The following SYNJ2BP variants were observed in gnomAD, a reference collection of about 807,000 sequenced individuals.
SYNJ2BP encodes synaptojanin 2 binding protein, also known as synaptojanin-2-binding protein.
Under a neutral mutation model 16.9 loss-of-function variants are expected in SYNJ2BP, and 10 were observed. The ratio of observed to expected loss-of-function variants is 0.59; its 90% CI spans 0.36 to 1.00. The LOEUF (loss-of-function observed/expected upper bound fraction) is 1.00, where lower values mean the gene tolerates loss of function less well. SYNJ2BP is among the 50% of genes least tolerant of loss of function. The probability of loss-of-function intolerance (pLI) is 0.01; values close to 1 mark genes in which losing one functional copy is unlikely to be tolerated. For missense variants in SYNJ2BP, 162 were observed against 186.7 expected, an observed-to-expected ratio of 0.87 and a Z score of 0.77; for synonymous variants, 54 against 68.4, an observed-to-expected ratio of 0.79 and a Z score of 1.04.
chr14:70,405,278 A>C (rs542800214), intron 1 of SYNJ2BP, among the ~76,000 whole-genome samples: 1 of 152,286 alleles, frequency 6.6e-6, no homozygotes, highest in Admixed American at 6.5e-5. Context: ...TAAATGAATG[A>C]ATGAATGATA....
intron 1 of SYNJ2BP, among the ~76,000 whole-genome samples, chr14:70,392,751 T>C (rs1385925442): frequency 2.0e-5 from 3 of 152,092 alleles, no homozygotes; most frequent in African/African-American, 7.2e-5. Flanking sequence ...CCCTTAAGAG[T>C]AGTTTCTAGC....
intron 1 of SYNJ2BP, among the ~76,000 whole-genome samples, chr14:70,394,957 A>G (rs1288921602): frequency 6.6e-6 from 1 of 152,236 alleles, no homozygotes; most frequent in Non-Finnish European, 1.5e-5. Flanking sequence ...GTGTGATTCC[A>G]AAGCATGAAT....
At chr14:70,401,525 CTTTT>C (rs71105709) in intron 1 of SYNJ2BP, among the ~76,000 whole-genome samples, 4,595 of 126,878 alleles carry the variant, frequency 0.036, 106 homozygotes, top group Middle Eastern at 0.1. Context: ...TGGTTCTTGG[CTTTT>C]TTTTTTTTTT....
chr14:70,379,331 T>C (rs895847167), intron 2 of SYNJ2BP, among the ~76,000 whole-genome samples: 5 of 152,352 alleles, frequency 3.3e-5, no homozygotes, highest in Admixed American at 3.3e-4. Context: ...TATGCTGATA[T>C]GGAAAGTCTT....
At position 70,386,077 on chromosome 14, in the gene SYNJ2BP, C is replaced by T. The variant is rs1594946952; in HGVS notation, c.201+2393G>A. Among the ~76,000 whole-genome samples, 3 of 152,298 alleles carry T rather than the reference C, an allele frequency of 2.0e-5. No homozygotes were observed. The East Asian group carries it at 5.8e-4, about 29-fold the overall frequency. ...GCTCTCTTCTTTCTCTTCTTAACTCCTATACTATTCTTCATCCACAGAGCC... is the reference window on the plus strand; with the variant it reads ...GCTCTCTTCTTTCTCTTCTTAACTCTTATACTATTCTTCATCCACAGAGCC... On this transcript the variant is annotated intron_variant, in intron 2 of 3. Coordinates refer to ENST00000256366, the MANE Select transcript of SYNJ2BP (RefSeq NM_018373.3).
At chr14:70,401,833 T>C (rs952032008) in intron 1 of SYNJ2BP, among the ~76,000 whole-genome samples, 2 of 151,870 alleles carry the variant, frequency 1.3e-5, no homozygotes, top group African/African-American at 4.8e-5. Context: ...TTTTTTTATG[T>C]AGAGACAGGG....
At chr14:70,415,185 A>AAAT (rs1566627266) in intron 1 of SYNJ2BP, among the ~76,000 whole-genome samples, 1 of 150,928 alleles carries the variant, frequency 6.6e-6, no homozygotes, top group Non-Finnish European at 1.5e-5. Context: ...AAAAAAAAAA[A>AAAT]ATATTAATAA....
chr14:70,408,691 T>C (rs1566625127), intron 1 of SYNJ2BP, among the ~76,000 whole-genome samples: 1 of 146,104 alleles, frequency 6.8e-6, no homozygotes, highest in Non-Finnish European at 1.5e-5. Flanking sequence ...AAAAAAATCA[T>C]TGAATCCTCA....
rs1241260292 is a variant in SYNJ2BP at position 70,369,779 on chromosome 14, TG to T, written c.*3211del. The T allele has an allele frequency of 2.5e-4, 38 of 152,214 alleles. No individual in the cohort carries two copies. Among genetic ancestry groups the T allele is most frequent in the African/African-American group, 8.4e-4 (35 of 41,464 alleles). The allele number at this position is 152,214 out of a possible 1,614,324, so 9.4% of individuals were successfully genotyped here. On this transcript the variant is annotated 3_prime_UTR_variant, in exon 4 of 4. Transcript: ENST00000256366. ...CACAGGAAAACAAAGTACAGCTAGT[TG>T]AAGCAAACAATATCTTATAATTATA... is the stretch of plus-strand genomic sequence containing the variant.
intron 1 of SYNJ2BP, among the ~76,000 whole-genome samples, chr14:70,413,304 T>C (rs1888528909): frequency 6.6e-6 from 1 of 152,308 alleles, no homozygotes; most frequent in Non-Finnish European, 1.5e-5. Context: ...TCCATGCTAT[T>C]AGGTTGGTGC....
rs1429777990 is a variant in SYNJ2BP at position 70,368,690 on chromosome 14, T to G, written c.*4301A>C. 9.7e-6 allele frequency: 1 copy of G among 103,356 alleles called. No individual in the cohort carries two copies. Among genetic ancestry groups the G allele is most frequent in the Non-Finnish European group, 2.4e-5 (1 of 40,964 alleles). 6.4% of individuals were successfully genotyped at this position (103,356 alleles called of 1,614,324 possible). A position where few individuals can be genotyped will look rare whatever the true frequency, so the allele number is the denominator to read the frequency against. On this transcript the variant is annotated 3_prime_UTR_variant, in exon 4 of 4. Transcript: ENST00000256366. ...GAAGCTGGGCTCTAAAGGCCCAAGT[T>G]TTTGTTGTTGTTGTTGTTGTTGTTG...
intron 1 of SYNJ2BP, among the ~76,000 whole-genome samples, chr14:70,414,112 G>C (rs1454720706): frequency 6.6e-6 from 1 of 152,162 alleles, no homozygotes; most frequent in Non-Finnish European, 1.5e-5. Flanking sequence ...AAGAAAAGCT[G>C]AATTAGACCC....
At chr14:70,401,584 T>C (rs946704126) in intron 1 of SYNJ2BP, among the ~76,000 whole-genome samples, 1 of 149,128 alleles carries the variant, frequency 6.7e-6, no homozygotes, top group South Asian at 2.1e-4. Context: ...ATACCTTGAG[T>C]CTTCTGTTTG....
chr14:70,383,283 G>A (rs1363862648), intron 2 of SYNJ2BP, among the ~76,000 whole-genome samples: 1 of 152,206 alleles, frequency 6.6e-6, no homozygotes, highest in Non-Finnish European at 1.5e-5. Flanking sequence ...CATCTCTGCA[G>A]CTGATTGGAT....
At chr14:70,376,688 T>C (rs1322764512) in intron 2 of SYNJ2BP, among the ~76,000 whole-genome samples, 1 of 152,252 alleles carries the variant, frequency 6.6e-6, no homozygotes. Flanking sequence ...GAGGTAGACA[T>C]TATTTTTATC....
At chr14:70,403,079 C>T (rs1302855899) in intron 1 of SYNJ2BP, among the ~76,000 whole-genome samples, 1 of 152,130 alleles carries the variant, frequency 6.6e-6, no homozygotes, top group Non-Finnish European at 1.5e-5. Flanking sequence ...AGTTCTATGC[C>T]TCTAGGGGTA....
chr14:70,377,684 C>CTGA (rs1887662264), intron 2 of SYNJ2BP, among the ~76,000 whole-genome samples: 2 of 151,856 alleles, frequency 1.3e-5, no homozygotes, highest in Admixed American at 1.3e-4. Flanking sequence ...AAACCATCCA[C>CTGA]TGATGATCTT....
intron 2 of SYNJ2BP, among the ~76,000 whole-genome samples, chr14:70,382,153 G>C (rs899796953): frequency 2.0e-5 from 3 of 152,134 alleles, no homozygotes; most frequent in Non-Finnish European, 4.4e-5. Flanking sequence ...GGAGAATGGA[G>C]TGAACCCGGG....
chr14:70,412,922 G>A (rs909492367), intron 1 of SYNJ2BP, among the ~76,000 whole-genome samples: 8 of 152,068 alleles, frequency 5.3e-5, no homozygotes, highest in Non-Finnish European at 1.0e-4. Flanking sequence ...ACACTTTTTA[G>A]AGTAACTGAG....
Sources: allele counts gnomAD v4.1 joint callset (sites outside exome capture counted in the v4.1 genomes callset), GRCh38; gene constraint gnomAD v4.1.1; transcripts MANE v1.5; gene names NCBI Gene and HGNC (gene_info 2026-07-23, HGNC 2026-07-21).